DCP2: variants seen among roughly 807,000 people sequenced by gnomAD.
DCP2 encodes the protein m7GpppN-mRNA hydrolase.
In DCP2, 30 loss-of-function variants were observed where a neutral mutation model predicts 56.1. The observed-to-expected ratio is 0.53, with a 90% confidence interval of 0.40 to 0.73. The LOEUF (loss-of-function observed/expected upper bound fraction) is 0.73. Ranked by LOEUF, DCP2 falls within the 30% of genes least tolerant of loss-of-function variation. DCP2 has a pLI of 0.00. For synonymous variants in DCP2, 197 were observed against 163.3 expected (o/e 1.21, Z -1.57); for missense variants, 533 against 502.7 (o/e 1.06, Z -0.58).
At chr5:113,001,695 A>C (rs1439977857) in intron 7 of DCP2, 21 bp downstream of exon 7, 2 of 1,593,094 alleles carry the variant, frequency 1.3e-6, no homozygotes, top group African/African-American at 1.3e-5. Context: ...ACATTCATGG[A>C]ATCCTGATTT....
intron 1 of DCP2, among the ~76,000 whole-genome samples, chr5:112,980,641 G>A (rs764595349): frequency 7.2e-5 from 11 of 152,042 alleles, no homozygotes; most frequent in Non-Finnish European, 1.5e-4. Context: ...TTTAATTTTC[G>A]TACATCAGCT....
intron 4 of DCP2, among the ~76,000 whole-genome samples, chr5:112,998,689 A>T (rs1430395829): frequency 6.6e-6 from 1 of 152,254 alleles, no homozygotes; most frequent in East Asian, 1.9e-4. Context: ...AGATTAATTC[A>T]AAGAATAGAC....
intron 2 of DCP2, 37 bp downstream of exon 2, chr5:112,986,023 T>C: frequency 6.8e-7 from 1 of 1,479,778 alleles, no homozygotes; most frequent in Non-Finnish European, 9.1e-7. Context: ...GACTTTCTTG[T>C]TAGCAATATA....
chr5:113,004,780 A>G (rs1348405199), intron 8 of DCP2, among the ~76,000 whole-genome samples: 1 of 149,738 alleles, frequency 6.7e-6, no homozygotes, highest in Non-Finnish European at 1.5e-5. Flanking sequence ...ACTTGATGTT[A>G]TTTTTTTAAT....
intron 10 of DCP2, among the ~76,000 whole-genome samples, chr5:113,012,883 C>G (rs1457148523): frequency 6.6e-6 from 1 of 152,044 alleles, no homozygotes; most frequent in Non-Finnish European, 1.5e-5. Context: ...ACCTTGTGAT[C>G]TGCCCTCCTT....
rs1273112590 is a variant in DCP2 at position 113,020,266 on chromosome 5, A to C, written c.*6782A>C. 2 of 152,314 alleles carry C rather than the reference A, an allele frequency of 1.3e-5. No individual in the cohort carries two copies. Among genetic ancestry groups the C allele is most frequent in the East Asian group, 3.9e-4 (2 of 5,190 alleles). 9.4% of individuals were successfully genotyped at this position (152,314 alleles called of 1,614,324 possible). A position where few individuals can be genotyped will look rare whatever the true frequency, so the allele number is the denominator to read the frequency against. ...GATTTGTGAACTTTATTTCTTTAGT[A>C]ATTATTTTTATCTTATGTGAAATGA... is the stretch of plus-strand genomic sequence containing the variant. On this transcript the variant is annotated 3_prime_UTR_variant, in exon 11 of 11. Coordinates refer to ENST00000389063, the MANE Select transcript of DCP2 (RefSeq NM_152624.6).
In DCP2 at chr5:113,010,358, T is replaced by A. The variant is rs1036773696; in HGVS notation, c.1048-398T>A. On this transcript the variant is annotated intron_variant, in intron 9 of 10. Coordinates refer to ENST00000389063, the MANE Select transcript of DCP2 (RefSeq NM_152624.6). ...ACTGTCTCTGGCCACCTCAGCTAAA[T>A]TAGTTAGCCCTGGCTGATTTTTATG... 2.6e-5 allele frequency among the ~76,000 whole-genome samples: 4 copies of A among 152,120 alleles called. No homozygotes were observed. In the South Asian group the frequency reaches 8.3e-4, roughly 32 times the overall value.
At chr5:112,977,846 T>A (rs1240366165) in intron 1 of DCP2, among the ~76,000 whole-genome samples, 1 of 152,214 alleles carries the variant, frequency 6.6e-6, no homozygotes, top group African/African-American at 2.4e-5. Context: ...CACCTTTTCG[T>A]TCACAGTTAC....
At chr5:113,011,652 CTAT>C (rs1181297013) in intron 10 of DCP2, among the ~76,000 whole-genome samples, 1 of 152,156 alleles carries the variant, frequency 6.6e-6, no homozygotes, top group Non-Finnish European at 1.5e-5. Context: ...TGCCTTAACC[CTAT>C]TATGGAAAGT....
Position 113,013,633 on chromosome 5 carries a change from A to G in DCP2, c.*149A>G. On this transcript the variant is annotated 3_prime_UTR_variant, in exon 11 of 11. Transcript: ENST00000389063. ...CATTTTCTGTTTATAAGAGAGTAGAAAGAAACACGAGTTTGCACTGTAAAT... is the reference window on the plus strand; with the variant it reads ...CATTTTCTGTTTATAAGAGAGTAGAGAGAAACACGAGTTTGCACTGTAAAT... 1 of 918,914 alleles carries G rather than the reference A, an allele frequency of 1.1e-6. No individual in the cohort carries two copies. The highest frequency in any genetic ancestry group is 1.6e-6 in the Non-Finnish European group (1 of 613,628). 56.9% of individuals were successfully genotyped at this position (918,914 alleles called of 1,614,324 possible).
intron 1 of DCP2, among the ~76,000 whole-genome samples, chr5:112,981,021 ACT>A (rs1037936506): frequency 1.4e-5 from 2 of 141,806 alleles, no homozygotes; most frequent in African/African-American, 5.1e-5. Context: ...TACCTTTGTG[ACT>A]TTATGATTTT....
rs1441956731 is a variant in DCP2 at position 113,002,209 on chromosome 5, GATC to G, written c.806+538_806+540del. Among the ~76,000 whole-genome samples, 3 of 152,288 alleles carry G rather than the reference GATC, an allele frequency of 2.0e-5. No individual in the cohort carries two copies. The Middle Eastern group carries it at 0.01, about 518-fold the overall frequency. On this transcript the variant is annotated intron_variant, in intron 7 of 10. Transcript: ENST00000389063. ...AGGCCAAGGCAGGTGGATCACCTGA[GATC>G]ATGAGTTCAAGACCAGCCTGGTCAG...
At chr5:113,008,432 ACAGC>A (rs1201953008) in intron 9 of DCP2, 1 of 156,956 alleles carries the variant, frequency 6.4e-6, no homozygotes, top group Non-Finnish European at 1.4e-5. Context: ...TAAAAAAAAC[ACAGC>A]CAGTGCTATT....
intron 1 of DCP2, among the ~76,000 whole-genome samples, chr5:112,978,683 T>TAA (rs35646202): frequency 0.014 from 1,886 of 136,650 alleles, 16 homozygotes; most frequent in Non-Finnish European, 0.022. Context: ...TTGTCCCAAA[T>TAA]AAAAAAAAAA....
chr5:112,985,619 G>A (rs1035927158), intron 1 of DCP2, among the ~76,000 whole-genome samples: 4 of 152,164 alleles, frequency 2.6e-5, no homozygotes, highest in African/African-American at 4.8e-5. Context: ...CACAGGCTCA[G>A]AACAAACTGT....
At chr5:112,982,124 G>T (rs775773659) in intron 1 of DCP2, among the ~76,000 whole-genome samples, 8 of 152,084 alleles carry the variant, frequency 5.3e-5, no homozygotes, top group East Asian at 1.9e-4. Context: ...TTGGCTTTCT[G>T]TTCTAACTTT....
chr5:112,996,725 G>A (rs1748873238), intron 4 of DCP2, among the ~76,000 whole-genome samples: 2 of 152,010 alleles, frequency 1.3e-5, no homozygotes, highest in Admixed American at 1.3e-4. Context: ...TTTTTTGGGG[G>A]CAATCTTAAT....
rs1749938687 is a variant in DCP2 at position 113,017,540 on chromosome 5, A to C, written c.*4056A>C. 6.6e-6 allele frequency: 1 copy of C among 152,194 alleles called. No individual in the cohort carries two copies. The highest frequency in any genetic ancestry group is 1.5e-5 in the Non-Finnish European group (1 of 68,048). The allele number at this position is 152,194 out of a possible 1,614,324, so 9.4% of individuals were successfully genotyped here. On this transcript the variant is annotated 3_prime_UTR_variant, in exon 11 of 11. Transcript: ENST00000389063. ...CTTCCTAGAATTGAGTTGCTCTTGA[A>C]GTCTGTACTCCTGTGTCAGAAAGAT...
intron 8 of DCP2, among the ~76,000 whole-genome samples, chr5:113,006,431 A>G (rs55997238): frequency 0.041 from 6,195 of 152,250 alleles, 219 homozygotes; most frequent in African/African-American, 0.086. Flanking sequence ...GGTAAATTGT[A>G]TGTATTTTGT....
Sources: allele counts gnomAD v4.1 joint callset (sites outside exome capture counted in the v4.1 genomes callset), GRCh38; gene constraint gnomAD v4.1.1; transcripts MANE v1.5; gene names NCBI Gene and HGNC (gene_info 2026-07-23, HGNC 2026-07-21).